Variants in FBXL18 observed in about 807,000 individuals in gnomAD.
The protein encoded by FBXL18 is F-box/LRR-repeat protein 18.
A neutral mutation model predicts 46.0 loss-of-function variants in FBXL18; 36 were observed. The observed-to-expected ratio is 0.78, with a 90% CI of 0.60 to 1.03. The LOEUF is 1.03. Among genes scored for constraint, FBXL18 ranks in the 50% least tolerant of loss-of-function variants. The probability of loss-of-function intolerance (pLI) is 0.00; values close to 1 mark genes in which losing one functional copy is unlikely to be tolerated. For missense variants in FBXL18, 977 were observed against 1,004.1 expected (o/e 0.97, Z 0.36); for synonymous variants, 557 against 465.3 (o/e 1.20, Z -2.54).
At chr7:5,512,834 A>G (rs369460519) in intron 1 of FBXL18, among the ~76,000 whole-genome samples, 13 of 152,258 alleles carry the variant, frequency 8.5e-5, no homozygotes, top group African/African-American at 2.4e-4. Flanking sequence ...AAGGGCGGTG[A>G]GCACAGCGAC....
chr7:5,495,951 C>A (rs749827057), intron 3 of FBXL18: 1 of 464,998 alleles, frequency 2.2e-6, no homozygotes, highest in South Asian at 1.6e-5. Flanking sequence ...TGAGCAGGGT[C>A]GGTCTCTCAG....
At position 5,501,620 on chromosome 7, in the gene FBXL18, G is replaced by A; in HGVS notation, c.649C>T (p.Leu217Phe). The change falls in exon 3 of 5, where the codon CTT (leucine) becomes TTT (phenylalanine). Residue 217 changes from leucine to phenylalanine, a missense_variant. Physicochemically the swap from Leu to Phe is conservative, Grantham distance 22 (BLOSUM62 0). Coordinates refer to ENST00000382368, the MANE Select transcript of FBXL18 (RefSeq NM_024963.6). ...TREGAILSGQ[L>F]MVGQSNVPHY... ...GGCACGTTGCTCTGGCCCACCATAA[G>A]CTGGCCCGAGAGGATGGCGCCCTCG... The A allele has an allele frequency of 6.2e-7, 1 of 1,613,786 alleles. No homozygotes were observed. The highest frequency in any genetic ancestry group is 8.5e-7 in the Non-Finnish European group (1 of 1,179,964).
downstream of FBXL18, among the ~76,000 whole-genome samples, chr7:5,474,785 G>T (rs1468355700): frequency 6.6e-6 from 1 of 150,792 alleles, no homozygotes; most frequent in South Asian, 2.1e-4. Flanking sequence ...TCGGCTCACT[G>T]CAAGCTCCGC....
chr7:5,491,365 G>A lies in FBXL18; in HGVS notation c.1866C>T (p.Val622=), dbSNP rs1584217888. The change falls in exon 4 of 5, where the codon GTC becomes GTT. Residue 622 remains valine, a synonymous_variant. Coordinates refer to ENST00000382368, the MANE Select transcript of FBXL18 (RefSeq NM_024963.6). ...CGGGCTGGAGGGTGCCGCTGCGAGA[G>A]ACCAGGCACAGGCGCTGCAGCGAGG... The part of the protein sequence containing the change: ...QCPSLQRLCL[V]SRSGTLQPDA... The A allele has an allele frequency of 6.2e-7, 1 of 1,610,270 alleles. No individual in the cohort carries two copies. The highest frequency in any genetic ancestry group is 1.3e-5 in the African/African-American group (1 of 75,048).
intron 1 of FBXL18, among the ~76,000 whole-genome samples, chr7:5,506,029 T>C (rs1205303368): frequency 2.0e-5 from 3 of 151,700 alleles, no homozygotes; most frequent in Non-Finnish European, 2.9e-5. Context: ...TTTGTCCAGC[T>C]AATTTTTTTG....
chr7:5,469,744 G>C (rs1348679808), intron 4 of FBXL18, among the ~76,000 whole-genome samples: 1 of 152,050 alleles, frequency 6.6e-6, no homozygotes, highest in African/African-American at 2.4e-5. Flanking sequence ...GCAGAGGTGT[G>C]TCTGTGTGGC....
At chr7:5,467,877 G>C (rs1280102141) in intron 4 of FBXL18, among the ~76,000 whole-genome samples, 1 of 152,106 alleles carries the variant, frequency 6.6e-6, no homozygotes, top group Non-Finnish European at 1.5e-5. Flanking sequence ...GAAAGAGCTT[G>C]TGACAGCAAA....
At chr7:5,511,307 A>G (rs10268683) in intron 1 of FBXL18, among the ~76,000 whole-genome samples, 75,139 of 151,698 alleles carry the variant, frequency 0.5, 19,398 homozygotes, top group African/African-American at 0.65. Context: ...GGCCGGGCGC[A>G]GTGGCTCACG....
chr7:5,486,062 A>T (rs373338732), intron 4 of FBXL18, among the ~76,000 whole-genome samples: 1 of 139,654 alleles, frequency 7.2e-6, no homozygotes, highest in Non-Finnish European at 1.5e-5. Flanking sequence ...CTGTCTCAAA[A>T]AAATAAATAA....
chr7:5,507,939 C>T (rs1784432632), intron 1 of FBXL18, among the ~76,000 whole-genome samples: 1 of 152,068 alleles, frequency 6.6e-6, no homozygotes, highest in East Asian at 1.9e-4. Context: ...TCGAGACCAG[C>T]CTGGCCAACA....
At chr7:5,503,899 G>A (rs1784328362) in intron 2 of FBXL18, among the ~76,000 whole-genome samples, 1 of 151,870 alleles carries the variant, frequency 6.6e-6, no homozygotes, top group Non-Finnish European at 1.5e-5. Flanking sequence ...CCCAGGAGGT[G>A]GAGGTTGCAG....
intron 2 of FBXL18, among the ~76,000 whole-genome samples, chr7:5,502,866 C>A (rs1480913822): frequency 2.0e-5 from 3 of 151,062 alleles, no homozygotes; most frequent in African/African-American, 7.3e-5. Context: ...GTGGTGGTTC[C>A]TCAAAAAGCT....
intron 4 of FBXL18, among the ~76,000 whole-genome samples, chr7:5,460,845 A>G (rs1478587552): frequency 6.6e-6 from 1 of 152,182 alleles, no homozygotes; most frequent in African/African-American, 2.4e-5. Flanking sequence ...GCCCCTCTGC[A>G]GCCCCGAAAC....
intron 1 of FBXL18, among the ~76,000 whole-genome samples, chr7:5,509,908 G>GAGTTGAGTCATTTCCCTGGAACTC (rs1336938395): frequency 5.3e-5 from 8 of 151,898 alleles, no homozygotes; most frequent in Non-Finnish European, 1.2e-4. Context: ...CTGGGCGGGC[G>GAGTTGAGTCATTTCCCTGGAACTC]AGTTGAGTCA....
At chr7:5,460,643 G>C (rs1009772547) in intron 4 of FBXL18, among the ~76,000 whole-genome samples, 1 of 152,122 alleles carries the variant, frequency 6.6e-6, no homozygotes, top group Non-Finnish European at 1.5e-5. Context: ...AGTAGAGATG[G>C]GGTTTCACCA....
At chr7:5,460,274 C>T (rs1179983239) in intron 4 of FBXL18, among the ~76,000 whole-genome samples, 1 of 152,082 alleles carries the variant, frequency 6.6e-6, no homozygotes, top group South Asian at 2.1e-4. Context: ...AACAAAAAGA[C>T]AGTGCCTGAC....
chr7:5,471,106 C>A (rs1022563961), downstream of FBXL18, among the ~76,000 whole-genome samples: 14 of 152,206 alleles, frequency 9.2e-5, no homozygotes, highest in African/African-American at 2.4e-5. Context: ...GCAAGGGTCA[C>A]GGCAAACCAT....
chr7:5,501,406 C>A lies in FBXL18; in HGVS notation c.863G>T (p.Arg288Leu), dbSNP rs775995098. The part of the protein sequence containing the change: ...ATKNLLDSMA[R>L]NVVLDALQLP... Reference sequence around the variant, plus strand: ...CTGCAGGGCATCCAGCACGACATTGCGCGCCATGGAGTCCAGGAGGTTCTT... The same window carrying A: ...CTGCAGGGCATCCAGCACGACATTGAGCGCCATGGAGTCCAGGAGGTTCTT... Residue 288 changes from arginine (R) to leucine (L), a missense_variant, in exon 3 of 5, where the codon CGC (arginine) becomes CTC (leucine). By Grantham distance (102) the Arg-to-Leu change is moderately radical (BLOSUM62 -2). Transcript: ENST00000382368. 4 of 1,613,552 alleles carry A rather than the reference C, an allele frequency of 2.5e-6. No individual in the cohort carries two copies. The highest frequency in any genetic ancestry group is 1.1e-5 in the South Asian group (1 of 91,074).
chr7:5,510,484 C>A (rs543127948), intron 1 of FBXL18, among the ~76,000 whole-genome samples: 6 of 151,814 alleles, frequency 4.0e-5, no homozygotes, highest in Non-Finnish European at 7.4e-5. Flanking sequence ...GAGTTCGAGA[C>A]CAGCCTGACC....
Sources: allele counts gnomAD v4.1 joint callset (sites outside exome capture counted in the v4.1 genomes callset), GRCh38; gene constraint gnomAD v4.1.1; transcripts MANE v1.5; gene names NCBI Gene and HGNC (gene_info 2026-07-23, HGNC 2026-07-21).